MICAL2: variants seen among roughly 807,000 people sequenced by gnomAD.
The protein encoded by MICAL2 is microtubule associated monooxygenase, calponin and LIM domain containing 2.
In MICAL2, 77 loss-of-function variants were observed where a neutral mutation model predicts 127.3. The observed-to-expected ratio is 0.60, with a 90% confidence interval of 0.50 to 0.73. MICAL2 has a LOEUF of 0.73. Ranked by LOEUF, MICAL2 falls within the 30% of genes least tolerant of loss-of-function variation. The pLI, the probability that MICAL2 is intolerant of heterozygous loss-of-function variation, is 0.00. For missense variants in MICAL2, 1,351 were observed against 1,434.4 expected (o/e 0.94, Z 0.94); for synonymous variants, 570 against 551.1 (o/e 1.03, Z -0.48).
intron 2 of MICAL2, among the ~76,000 whole-genome samples, chr11:12,142,652 A>C (rs1162303313): frequency 6.6e-6 from 1 of 152,226 alleles, no homozygotes; most frequent in African/African-American, 2.4e-5. Flanking sequence ...GAGCTCAAGG[A>C]AATGCATCTG....
chr11:12,294,935 A>G, downstream of MICAL2: 1 of 1,375,706 alleles, frequency 7.3e-7, no homozygotes, highest in Admixed American at 3.3e-5. Context: ...ACAAGCAGGC[A>G]TCTTTCACTT....
At chr11:12,149,305 T>A (rs1318551419) in intron 2 of MICAL2, among the ~76,000 whole-genome samples, 1 of 152,066 alleles carries the variant, frequency 6.6e-6, no homozygotes, top group Non-Finnish European at 1.5e-5. Context: ...ACGAAGGTAG[T>A]TTTTGTTTTG....
At chr11:12,237,685 A>G (rs191031665) in intron 16 of MICAL2, among the ~76,000 whole-genome samples, 8 of 152,296 alleles carry the variant, frequency 5.3e-5, no homozygotes, top group African/African-American at 1.9e-4. Flanking sequence ...TTTTGCTTTA[A>G]GTCAGTTTTA....
intron 30 of MICAL2, among the ~76,000 whole-genome samples, chr11:12,321,903 C>T (rs1000726257): frequency 2.6e-5 from 4 of 151,750 alleles, no homozygotes; most frequent in African/African-American, 9.7e-5. Context: ...TTCCATAGTC[C>T]CACTATGGAA....
chr11:12,204,496 G>T (rs1448015156), intron 4 of MICAL2, 39 bp downstream of exon 4: 2 of 1,597,280 alleles, frequency 1.3e-6, no homozygotes, highest in African/African-American at 2.7e-5. Flanking sequence ...GAAGGGAGGG[G>T]ACTGACCCTG....
rs529872959 is a variant in MICAL2 at position 12,133,003 on chromosome 11, G to A, written c.-148-5387G>A. ...TCATCTCATGGCCCATGCTGCAGGA[G>A]AGGTGGGTGGTTGTCAGCATATTTT... On this transcript the variant is annotated intron_variant, in intron 1 of 27. Transcript: ENST00000683283. Among the ~76,000 whole-genome samples the A allele has an allele frequency of 4.3e-4, 65 of 152,330 alleles. 1 individual carries two copies. Among genetic ancestry groups the A allele is most frequent in the Middle Eastern group, 3.4e-3 (1 of 294 alleles).
intron 1 of MICAL2, among the ~76,000 whole-genome samples, chr11:12,136,056 T>A (rs1851807413): frequency 6.6e-6 from 1 of 152,000 alleles, no homozygotes; most frequent in South Asian, 2.1e-4. Context: ...TCTGAAAACA[T>A]CCAAGAGGAA....
In MICAL2 at chr11:12,189,328, A is replaced by G. The variant is rs944314360; in HGVS notation, c.265-14922A>G. Among the ~76,000 whole-genome samples the G allele has an allele frequency of 2.4e-4, 36 of 152,094 alleles. 1 individual carries two copies. The highest frequency in any genetic ancestry group is 8.0e-4 in the African/African-American group (33 of 41,404). On this transcript the variant is annotated intron_variant, in intron 3 of 27. Coordinates refer to ENST00000683283, the MANE Select transcript of MICAL2 (RefSeq NM_001282663.2). ...TTTTGTTTTTGTTTTTGTTTTTGCT[A>G]AAGTGCGAGTACCTATGGTCAGAAA...
At chr11:12,345,118 A>AG (rs1938933751) in intron 32 of MICAL2, among the ~76,000 whole-genome samples, 1 of 149,548 alleles carries the variant, frequency 6.7e-6, no homozygotes, top group African/African-American at 2.4e-5. Flanking sequence ...ATCCATCTCA[A>AG]AAAAAAAAAG....
intron 20 of MICAL2, 59 bp from the exon 21 acceptor site, chr11:12,243,928 G>A (rs2134499723): frequency 6.3e-7 from 1 of 1,592,756 alleles, no homozygotes; most frequent in Non-Finnish European, 8.6e-7. Context: ...ATTGAGGCAT[G>A]TATCACCATG....
At chr11:12,278,088 G>A (rs532414474) in intron 1 of MICAL2, among the ~76,000 whole-genome samples, 3 of 152,302 alleles carry the variant, frequency 2.0e-5, no homozygotes, top group Admixed American at 1.3e-4. Flanking sequence ...GTGAGTGAGT[G>A]GGTGAGTGGT....
intron 2 of MICAL2, among the ~76,000 whole-genome samples, chr11:12,142,378 T>C (rs954740852): frequency 4.6e-5 from 7 of 152,242 alleles, no homozygotes; most frequent in Admixed American, 3.3e-4. Context: ...AGACAGGAAA[T>C]GAAGGCTATA....
At chr11:12,237,776 G>C (rs1565222574) in intron 16 of MICAL2, among the ~76,000 whole-genome samples, 1 of 152,224 alleles carries the variant, frequency 6.6e-6, no homozygotes, top group Non-Finnish European at 1.5e-5. Context: ...CTGGGTGCTT[G>C]TTAGAAGTAC....
At chr11:12,280,933 C>G (rs1863764002) in exon 2 of MICAL2, 1 of 399,036 alleles carries the variant, frequency 2.5e-6, no homozygotes, top group African/African-American at 2.1e-5. Flanking sequence ...CTCCTTCCAG[C>G]TCTGACACAG....
chr11:12,152,914 C>T (rs1853752323), intron 2 of MICAL2, among the ~76,000 whole-genome samples: 1 of 150,956 alleles, frequency 6.6e-6, no homozygotes, highest in South Asian at 2.1e-4. Context: ...GGGCAGCTCC[C>T]ACTTATAGAA....
intron 3 of MICAL2, among the ~76,000 whole-genome samples, chr11:12,184,814 C>T (rs113213305): frequency 2.3e-3 from 352 of 151,878 alleles, no homozygotes; most frequent in African/African-American, 7.9e-3. Context: ...GAGATTATCC[C>T]ACCACACAGA....
At chr11:12,231,074 G>A (rs1333266267) in intron 15 of MICAL2, among the ~76,000 whole-genome samples, 9 of 152,266 alleles carry the variant, frequency 5.9e-5, no homozygotes, top group African/African-American at 2.2e-4. Context: ...TATAACCAGG[G>A]CGTCTATCAT....
At chr11:12,284,586 C>T (rs1367766139) in intron 2 of MICAL2, among the ~76,000 whole-genome samples, 2 of 152,116 alleles carry the variant, frequency 1.3e-5, no homozygotes, top group African/African-American at 4.8e-5. Flanking sequence ...AAGTTACAAG[C>T]TAAGAAGAAG....
At chr11:12,160,563 C>T (rs960006920) in intron 2 of MICAL2, among the ~76,000 whole-genome samples, 1 of 152,238 alleles carries the variant, frequency 6.6e-6, no homozygotes. Flanking sequence ...TTTCCACACT[C>T]ACATCCCTGT....
Sources: gnomAD v4.1 joint callset for allele counts (sites outside exome capture counted in the v4.1 genomes callset) on GRCh38, gnomAD v4.1.1 for gene constraint, MANE v1.5 for transcripts, NCBI Gene and HGNC (gene_info 2026-07-23, HGNC 2026-07-21) for gene names.